SORCS2: variants seen among roughly 807,000 people sequenced by gnomAD.
SORCS2 encodes sortilin related VPS10 domain containing receptor 2.
Under a neutral mutation model 141.6 loss-of-function variants are expected in SORCS2, and 100 were observed. The ratio of observed to expected loss-of-function variants is 0.71; its 90% CI spans 0.60 to 0.83. The LOEUF (loss-of-function observed/expected upper bound fraction) is 0.83. Ranked by LOEUF, SORCS2 falls within the 40% of genes least tolerant of loss-of-function variation. SORCS2 has a pLI of 0.00. For synonymous variants in SORCS2, 789 were observed against 676.9 expected (o/e 1.17, Z -2.57); for missense variants, 1,646 against 1,560.2 (o/e 1.05, Z -0.93).
At chr4:7,350,745 G>C (rs952247930) in intron 1 of SORCS2, among the ~76,000 whole-genome samples, 11 of 152,250 alleles carry the variant, frequency 7.2e-5, no homozygotes, top group Non-Finnish European at 1.5e-5. Context: ...TTAACATGCT[G>C]TTGGTCACAC....
At chr4:7,224,102 C>T (rs1386912810) in intron 1 of SORCS2, among the ~76,000 whole-genome samples, 1 of 152,152 alleles carries the variant, frequency 6.6e-6, no homozygotes. Flanking sequence ...TGCTGGTTTC[C>T]AGGGCCCCTC....
At chr4:7,280,331 T>A (rs1715790047) in intron 1 of SORCS2, among the ~76,000 whole-genome samples, 2 of 152,154 alleles carry the variant, frequency 1.3e-5, no homozygotes, top group African/African-American at 4.8e-5. Flanking sequence ...ATGACTGCAC[T>A]CTCGAGAGGC....
At chr4:7,697,394 G>T in intron 12 of SORCS2, 120 bp downstream of exon 12, 1 of 870,634 alleles carries the variant, frequency 1.1e-6, no homozygotes, top group East Asian at 2.8e-5. Flanking sequence ...TCTGAGCCAT[G>T]TCTCCCATCT....
intron 2 of SORCS2, among the ~76,000 whole-genome samples, chr4:7,428,770 G>C (rs1413489935): frequency 6.6e-6 from 1 of 152,190 alleles, no homozygotes; most frequent in Non-Finnish European, 1.5e-5. Flanking sequence ...TGGTGGGTTG[G>C]TAAGGGCCTC....
At position 7,664,278 on chromosome 4, in the gene SORCS2, G is replaced by A; in HGVS notation, c.953-75G>A. 1 of 1,206,964 alleles carries A rather than the reference G, an allele frequency of 8.3e-7. No individual in the cohort carries two copies. Among genetic ancestry groups the A allele is most frequent in the Non-Finnish European group, 1.2e-6 (1 of 838,732 alleles). 74.8% of individuals were successfully genotyped at this position (1,206,964 alleles called of 1,614,324 possible). ...CACAGCGGTATTGGAGGAAGATGGA[G>A]TCCAGCACATGTCTCGGGCCGTCTC... is the stretch of plus-strand genomic sequence containing the variant. On this transcript the variant is annotated intron_variant, in intron 6 of 26. Coordinates refer to ENST00000507866, the MANE Select transcript of SORCS2 (RefSeq NM_020777.3). The surrounding 1 kb of genome is among the most constrained non-coding windows in gnomAD (Gnocchi z 4.7).
intron 8 of SORCS2, among the ~76,000 whole-genome samples, chr4:7,674,258 T>C (rs1577927711): frequency 6.6e-6 from 1 of 152,088 alleles, no homozygotes; most frequent in South Asian, 2.1e-4. Flanking sequence ...GGGTCCTCTC[T>C]GCCTGTGGGC....
intron 1 of SORCS2, among the ~76,000 whole-genome samples, chr4:7,271,361 C>T (rs1372797467): frequency 1.3e-5 from 2 of 152,238 alleles, no homozygotes; most frequent in Non-Finnish European, 2.9e-5. Context: ...TCCTCTCTCC[C>T]TCCCAACTAT....
intron 2 of SORCS2, among the ~76,000 whole-genome samples, chr4:7,530,837 C>G (rs956694734): frequency 6.6e-6 from 1 of 152,228 alleles, no homozygotes; most frequent in African/African-American, 2.4e-5. Context: ...CCAGGAGGGC[C>G]TTGCCCAAGG....
chr4:7,412,769 G>T (rs1353003027), intron 2 of SORCS2, among the ~76,000 whole-genome samples: 1 of 151,908 alleles, frequency 6.6e-6, no homozygotes, highest in African/African-American at 2.4e-5. Context: ...GTCCCCCTGG[G>T]CTCAGCTGTC....
chr4:7,482,187 T>C (rs369974516), intron 2 of SORCS2, among the ~76,000 whole-genome samples: 5 of 45,142 alleles, frequency 1.1e-4, no homozygotes. Flanking sequence ...GTATCCCCAC[T>C]GCGGACACCC....
At chr4:7,321,203 T>C (rs1454857642) in intron 1 of SORCS2, among the ~76,000 whole-genome samples, 1 of 152,214 alleles carries the variant, frequency 6.6e-6, no homozygotes, top group East Asian at 1.9e-4. Flanking sequence ...TATTTGGTTT[T>C]CTGTTCCTAA....
chr4:7,554,524 C>T (rs1310363851), intron 3 of SORCS2, among the ~76,000 whole-genome samples: 1 of 152,080 alleles, frequency 6.6e-6, no homozygotes, highest in East Asian at 1.9e-4. Flanking sequence ...TGGTGCTAGA[C>T]AGCCCACCAT....
At chr4:7,482,802 A>G (rs1461997578) in intron 2 of SORCS2, among the ~76,000 whole-genome samples, 3 of 142,986 alleles carry the variant, frequency 2.1e-5, no homozygotes, top group Non-Finnish European at 4.5e-5. Flanking sequence ...TGCTGTTCAG[A>G]CCTGTATCCC....
intron 2 of SORCS2, among the ~76,000 whole-genome samples, chr4:7,396,756 G>C (rs1440965990): frequency 6.6e-6 from 1 of 152,134 alleles, no homozygotes; most frequent in African/African-American, 2.4e-5. Context: ...CTCATTGTTT[G>C]GGCGTTTTTC....
In SORCS2 at chr4:7,667,127, A is replaced by G. The variant is rs1722551876; in HGVS notation, c.1075A>G (p.Thr359Ala). 2 of 1,612,736 alleles carry G rather than the reference A, an allele frequency of 1.2e-6. No homozygotes were observed. The highest frequency in any genetic ancestry group is 1.3e-5 in the African/African-American group (1 of 74,924). The change falls in exon 8 of 27, where the codon ACA (threonine) becomes GCA (alanine). Residue 359 changes from threonine to alanine, a missense_variant. Thr to Ala is a moderately conservative substitution (Grantham distance 58, BLOSUM62 0). Coordinates refer to ENST00000507866, the MANE Select transcript of SORCS2 (RefSeq NM_020777.3). ...ATGTGTTTCTTCCCCCGGTTAGGCA[A>G]CATCAGCAAACCAGACAAAATACTA... is the stretch of plus-strand genomic sequence containing the variant. The part of the protein sequence containing the change: ...VQDDYIFFKA[T>A]SANQTKYYVS...
intron 14 of SORCS2, among the ~76,000 whole-genome samples, chr4:7,708,627 T>C (rs1725627783): frequency 6.6e-6 from 1 of 152,096 alleles, no homozygotes; most frequent in Non-Finnish European, 1.5e-5. Flanking sequence ...CTGCCCCAAG[T>C]CCTCCCTCCG....
chr4:7,352,313 A>G (rs1720990684), intron 1 of SORCS2, among the ~76,000 whole-genome samples: 2 of 152,224 alleles, frequency 1.3e-5, no homozygotes, highest in South Asian at 2.1e-4. Flanking sequence ...TCAAGTTTGA[A>G]TGAATGAGTG....
intron 1 of SORCS2, among the ~76,000 whole-genome samples, chr4:7,357,632 C>T (rs1476047464): frequency 1.3e-5 from 2 of 152,306 alleles, no homozygotes; most frequent in African/African-American, 4.8e-5. Context: ...AGGAAGATTA[C>T]GTGAGATAAT....
chr4:7,427,755 C>T (rs935882496), intron 2 of SORCS2, among the ~76,000 whole-genome samples: 11 of 151,992 alleles, frequency 7.2e-5, no homozygotes, highest in Non-Finnish European at 1.6e-4. Flanking sequence ...GCAGATCTCA[C>T]GTGAACTGAG....
Sources: gnomAD v4.1 joint callset for allele counts (sites outside exome capture counted in the v4.1 genomes callset) on GRCh38, gnomAD v4.1.1 for gene constraint, Gnocchi (gnomAD v3.1) non-coding constraint, MANE v1.5 for transcripts, NCBI Gene and HGNC (gene_info 2026-07-23, HGNC 2026-07-21) for gene names.